Variants in TEX9 observed in about 807,000 individuals in gnomAD.
TEX9 encodes testis-expressed protein 9.
A neutral mutation model predicts 59.6 loss-of-function variants in TEX9; 74 were observed. That is an observed-to-expected ratio of 1.24 (90% CI 1.03 to 1.51). The LOEUF (loss-of-function observed/expected upper bound fraction) is 1.51, where lower values mean the gene tolerates loss of function less well. Ranked by LOEUF, TEX9 falls within the 40% of genes most tolerant of loss-of-function variation. The pLI is 0.00. For synonymous variants in TEX9, 186 were observed against 152.2 expected, an observed-to-expected ratio of 1.22 and a Z score of -1.64; for missense variants, 522 against 447.8, an observed-to-expected ratio of 1.17 and a Z score of -1.49.
chr15:56,434,050 A>G (rs770837170), intron 12 of TEX9: 31 of 1,380,320 alleles, frequency 2.2e-5, no homozygotes, highest in African/African-American at 2.9e-5. Context: ...CTGGCATATA[A>G]AGCTTCTCAG....
intron 1 of TEX9, among the ~76,000 whole-genome samples, chr15:56,251,232 T>C (rs1295714560): frequency 6.6e-6 from 1 of 152,204 alleles, no homozygotes; most frequent in African/African-American, 2.4e-5. Flanking sequence ...GATGTTAGTA[T>C]GTTTTTGTTT....
At chr15:56,387,110 T>C (rs1327296963) in intron 4 of TEX9, among the ~76,000 whole-genome samples, 1 of 151,986 alleles carries the variant, frequency 6.6e-6, no homozygotes, top group African/African-American at 2.4e-5. Flanking sequence ...CATACAGTTA[T>C]TTCCATCATA....
At chr15:56,268,587 T>C (rs757608901) in intron 1 of TEX9, among the ~76,000 whole-genome samples, 13 of 152,196 alleles carry the variant, frequency 8.5e-5, no homozygotes, top group Non-Finnish European at 1.9e-4. Flanking sequence ...GATAATCATG[T>C]GGTTTTTGTC....
chr15:56,458,071 T>G, the TEX9 span, among the ~76,000 whole-genome samples: 1 of 152,206 alleles, frequency 6.6e-6, no homozygotes, highest in East Asian at 1.9e-4. Context: ...AAAACTTGGA[T>G]GAATCTCCAT....
chr15:56,459,193 A>G, the TEX9 span, among the ~76,000 whole-genome samples: 1 of 152,358 alleles, frequency 6.6e-6, no homozygotes, highest in South Asian at 2.1e-4. Context: ...GATATTTCAT[A>G]TAAATGAATT....
chr15:56,446,787 T>C (rs765255796), downstream of TEX9: 267 of 1,332,622 alleles, frequency 2.0e-4, no homozygotes, highest in Middle Eastern at 3.7e-4. Context: ...GAAACAAGTC[T>C]AATTTTTATT....
Position 56,398,030 on chromosome 15 carries a change from A to G in TEX9, c.828+3196A>G, listed in dbSNP as rs1202048684. On this transcript the variant is annotated intron_variant, in intron 9 of 12. Coordinates refer to ENST00000352903, the Ensembl canonical transcript of TEX9. ...AGTCCATTCCTTTTTATTGCTGAGT[A>G]GTGTAAACTATGAATGAATGTACTT... 3.3e-5 allele frequency: 5 copies of G among 152,356 alleles called. No individual in the cohort carries two copies. In the East Asian group the frequency reaches 9.6e-4, roughly 29 times the overall value. 9.4% of individuals were successfully genotyped at this position (152,356 alleles called of 1,614,324 possible).
chr15:56,444,055 C>G (rs1435638723), intron 12 of TEX9, among the ~76,000 whole-genome samples: 1 of 151,972 alleles, frequency 6.6e-6, no homozygotes, highest in Non-Finnish European at 1.5e-5. Flanking sequence ...ATAGTCTCCT[C>G]TAACCTATTA....
At chr15:56,255,890 A>G (rs1396924953) in intron 1 of TEX9, among the ~76,000 whole-genome samples, 2 of 152,082 alleles carry the variant, frequency 1.3e-5, no homozygotes, top group Non-Finnish European at 2.9e-5. Flanking sequence ...AGGACTTTGT[A>G]TGAATAAACA....
the TEX9 span, chr15:56,456,405 T>C: frequency 2.5e-6 from 4 of 1,606,356 alleles, no homozygotes; most frequent in South Asian, 2.3e-5. Context: ...TGTTTTCTCT[T>C]ACTTGTTGCC....
At chr15:56,361,145 A>C (rs1474623217), upstream of TEX9, among the ~76,000 whole-genome samples, 1 of 152,168 alleles carries the variant, frequency 6.6e-6, no homozygotes, top group African/African-American at 2.4e-5. Flanking sequence ...GCACAGCTAT[A>C]AGTTTATTGA....
At chr15:56,326,881 A>G (rs575774286) in intron 1 of TEX9, among the ~76,000 whole-genome samples, 1 of 152,296 alleles carries the variant, frequency 6.6e-6, no homozygotes, top group South Asian at 2.1e-4. Context: ...ATTGGGTGGG[A>G]CACTAAGCAT....
chr15:56,252,403 C>A, intron 1 of TEX9, among the ~76,000 whole-genome samples: 3 of 65,396 alleles, frequency 4.6e-5, no homozygotes, highest in South Asian at 4.0e-4. Flanking sequence ...TTTGTCCAGG[C>A]CACAAAATAA....
At chr15:56,292,676 C>T (rs1472457231) in intron 1 of TEX9, among the ~76,000 whole-genome samples, 1 of 152,144 alleles carries the variant, frequency 6.6e-6, no homozygotes, top group African/African-American at 2.4e-5. Flanking sequence ...CAGCTATACC[C>T]AGTTCTGGAA....
intron 1 of TEX9, among the ~76,000 whole-genome samples, chr15:56,290,147 G>A (rs1282717861): frequency 2.0e-5 from 3 of 152,184 alleles, no homozygotes; most frequent in Admixed American, 1.3e-4. Context: ...GCACAACTGG[G>A]TTCGGGAGAG....
chr15:56,398,245 T>C (rs1487948494), intron 9 of TEX9: 3 of 152,230 alleles, frequency 2.0e-5, no homozygotes, highest in African/African-American at 7.2e-5. Context: ...TCTCAAAATC[T>C]CTTTAATATT....
At chr15:56,444,496 C>T (rs1306855054) in intron 12 of TEX9, 2 of 1,609,734 alleles carry the variant, frequency 1.2e-6, no homozygotes, top group Admixed American at 1.7e-5. Flanking sequence ...ATGAGTTTCT[C>T]TTTTAGCAGC....
chr15:56,401,597 A>G (rs1229946768), intron 9 of TEX9, among the ~76,000 whole-genome samples: 1 of 152,204 alleles, frequency 6.6e-6, no homozygotes, highest in Non-Finnish European at 1.5e-5. Context: ...GAAGGTTAAC[A>G]AGGATACCCA....
chr15:56,364,474 T>A (rs573405433), upstream of TEX9, among the ~76,000 whole-genome samples: 469 of 151,642 alleles, frequency 3.1e-3, 4 homozygotes, highest in African/African-American at 0.011. Flanking sequence ...TTCTTTTTTT[T>A]TTTTTTTGCT....
Sources: allele counts gnomAD v4.1 joint callset (sites outside exome capture counted in the v4.1 genomes callset), GRCh38; gene constraint gnomAD v4.1.1; transcripts MANE v1.5; gene names NCBI Gene and HGNC (gene_info 2026-07-23, HGNC 2026-07-21).